COL4A6: variants seen among roughly 807,000 people sequenced by gnomAD.
The protein encoded by COL4A6 is collagen alpha-6(IV) chain.
COL4A6 carries 59 observed loss-of-function variants against 126.7 expected under a neutral mutation model. The observed-to-expected ratio is 0.47, with a 90% CI of 0.38 to 0.58. The LOEUF (loss-of-function observed/expected upper bound fraction) is 0.58. Among genes scored for constraint, COL4A6 ranks in the 20% least tolerant of loss-of-function variants. COL4A6 has a pLI of 0.00. For synonymous variants in COL4A6, 547 were observed against 496.6 expected, an observed-to-expected ratio of 1.10 and a Z score of -1.35; for missense variants, 1,285 against 1,337.3, an observed-to-expected ratio of 0.96 and a Z score of 0.61.
intron 3 of COL4A6, among the ~76,000 whole-genome samples, chrX:108,251,508 C>T (rs917300108): frequency 1.5e-4 from 17 of 111,554 alleles, no homozygotes; most frequent in African/African-American, 5.2e-4. Flanking sequence ...AATCTCTAAT[C>T]GTATATGTTA....
chrX:108,429,609 T>C (rs2064144196), intron 2 of COL4A6, among the ~76,000 whole-genome samples: 1 of 112,194 alleles, frequency 8.9e-6, no homozygotes, highest in South Asian at 3.7e-4. Context: ...TAAGCGTACA[T>C]AGGATCTCTC....
chrX:108,169,566 T>A lies in COL4A6; in HGVS notation c.3620A>T (p.Glu1207Val), dbSNP rs765548495. Residue 1207 changes from glutamate to valine, a missense_variant, in exon 37 of 45, where the codon GAA (glutamate) becomes GTA (valine). Glu to Val is a moderately radical substitution (Grantham distance 121). Transcript: ENST00000334504. The part of the protein sequence containing the change: ...GPAGLPGPKG[E>V]KGYPGIGIGA... ...GATGCCAATTCCTGGATATCCTTTT[T>A]CTCCTTTGGGTCCAGGGAGACCAGC... is the stretch of plus-strand genomic sequence containing the variant. 16 of 1,211,285 alleles carry A rather than the reference T, an allele frequency of 1.3e-5. No individual in the cohort carries two copies. In the Admixed American group the frequency reaches 3.5e-4, roughly 26 times the overall value.
intron 2 of COL4A6, among the ~76,000 whole-genome samples, chrX:108,316,023 C>A (rs1050352014): frequency 4.5e-5 from 5 of 112,016 alleles, no homozygotes; most frequent in Non-Finnish European, 7.5e-5. Context: ...CCTCTACCAC[C>A]AACCAATAGG....
intron 18 of COL4A6, 72 bp downstream of exon 18, chrX:108,192,401 A>C: frequency 1.3e-6 from 1 of 748,127 alleles, no homozygotes; most frequent in Non-Finnish European, 2.0e-6. Flanking sequence ...ACCCAGAGGT[A>C]TAGAAGGGAA....
chrX:108,299,045 C>T (rs1408435843), intron 3 of COL4A6, among the ~76,000 whole-genome samples: 1 of 111,067 alleles, frequency 9.0e-6, no homozygotes. Context: ...TCTTGGGACT[C>T]TGTGTCCTCC....
chrX:108,397,013 G>A (rs1332549095), intron 2 of COL4A6, among the ~76,000 whole-genome samples: 1 of 111,522 alleles, frequency 9.0e-6, no homozygotes, highest in Admixed American at 9.6e-5. Context: ...TCTCCATGCA[G>A]GTTACAACAT....
chrX:108,174,973 C>T (rs1487086115), intron 30 of COL4A6, 117 bp downstream of exon 30: 24 of 949,460 alleles, frequency 2.5e-5, no homozygotes, highest in Non-Finnish European at 3.2e-5. Context: ...AGCCACACTG[C>T]TGCTCTGAGG....
intron 44 of COL4A6, among the ~76,000 whole-genome samples, chrX:108,158,559 A>G (rs1306314282): frequency 8.9e-6 from 1 of 112,310 alleles, no homozygotes; most frequent in Non-Finnish European, 1.9e-5. Flanking sequence ...AGGGTGGTGG[A>G]CAGGACAGAA....
At chrX:108,285,008 C>T (rs896768138) in intron 3 of COL4A6, among the ~76,000 whole-genome samples, 4 of 111,578 alleles carry the variant, frequency 3.6e-5, no homozygotes, top group African/African-American at 1.3e-4. Context: ...ATCCAAACAG[C>T]AAGGTCTTAC....
intron 3 of COL4A6, among the ~76,000 whole-genome samples, chrX:108,300,348 G>GTC (rs763735393): frequency 0.021 from 2,110 of 99,320 alleles, 37 homozygotes; most frequent in Middle Eastern, 0.12. Flanking sequence ...ACTAGTTTGG[G>GTC]TCTCTCTCTC....
intron 35 of COL4A6, 75 bp from the exon 36 acceptor site, chrX:108,170,091 C>T (rs1171165091): frequency 1.1e-6 from 1 of 869,982 alleles, no homozygotes; most frequent in Non-Finnish European, 1.6e-6. Context: ...AGCTACCTGC[C>T]CCCAAAGGCA....
chrX:108,423,271 G>A (rs2064015882), intron 2 of COL4A6, among the ~76,000 whole-genome samples: 1 of 111,996 alleles, frequency 8.9e-6, no homozygotes, highest in Non-Finnish European at 1.9e-5. Flanking sequence ...TGAGAAACAT[G>A]CTTCCAATGG....
intron 2 of COL4A6, among the ~76,000 whole-genome samples, chrX:108,356,048 T>G (rs2039952592): frequency 9.2e-6 from 1 of 108,892 alleles, no homozygotes; most frequent in South Asian, 4.2e-4. Context: ...TCTGCACCCA[T>G]TAACTCGTCA....
intron 3 of COL4A6, among the ~76,000 whole-genome samples, chrX:108,262,445 T>C (rs1053204017): frequency 4.5e-5 from 5 of 111,746 alleles, no homozygotes; most frequent in African/African-American, 1.6e-4. Context: ...TGTTTATATT[T>C]AGAAACAGTA....
At chrX:108,318,867 G>T (rs189223306) in intron 2 of COL4A6, among the ~76,000 whole-genome samples, 1 of 112,508 alleles carries the variant, frequency 8.9e-6, no homozygotes, top group Admixed American at 9.4e-5. Flanking sequence ...TTCTCCAAAG[G>T]TGACTTGGAT....
chrX:108,309,217 G>A (rs1266985588), intron 3 of COL4A6, among the ~76,000 whole-genome samples: 2 of 110,394 alleles, frequency 1.8e-5, no homozygotes, highest in Non-Finnish European at 3.8e-5. Context: ...TATATTTATT[G>A]TGAAATTTTT....
chrX:108,247,495 C>T (rs1387723840), intron 3 of COL4A6, among the ~76,000 whole-genome samples: 1 of 110,380 alleles, frequency 9.1e-6, no homozygotes, highest in Admixed American at 9.6e-5. Flanking sequence ...CAGACCATGT[C>T]TGCTGGGGTG....
intron 3 of COL4A6, among the ~76,000 whole-genome samples, chrX:108,276,268 C>G (rs1395280782): frequency 8.9e-6 from 1 of 112,594 alleles, no homozygotes. Flanking sequence ...ACAGACCTTG[C>G]CAAAGCATGC....
intron 2 of COL4A6, among the ~76,000 whole-genome samples, chrX:108,399,975 C>T (rs1216338929): frequency 1.8e-5 from 2 of 111,608 alleles, no homozygotes; most frequent in African/African-American, 6.5e-5. Context: ...GTCATCATGA[C>T]TACCAGTCAA....
Sources: gnomAD v4.1 joint callset for allele counts (sites outside exome capture counted in the v4.1 genomes callset) on GRCh38, gnomAD v4.1.1 for gene constraint, MANE v1.5 for transcripts, NCBI Gene and HGNC (gene_info 2026-07-23, HGNC 2026-07-21) for gene names.